LRP1B: variants seen among roughly 807,000 people sequenced by gnomAD.
LRP1B encodes the protein LDL receptor related protein 1B, also known as low-density lipoprotein receptor-related protein 1B.
Under a neutral mutation model 556.6 loss-of-function variants are expected in LRP1B, and 217 were observed. The observed-to-expected ratio is 0.39, with a 90% confidence interval of 0.35 to 0.44. The LOEUF (loss-of-function observed/expected upper bound fraction) is 0.44, where lower values mean the gene tolerates loss of function less well. Among genes scored for constraint, LRP1B ranks in the 20% least tolerant of loss-of-function variants. LRP1B has a pLI of 1.00. For missense variants in LRP1B, 5,053 were observed against 5,620.8 expected, an observed-to-expected ratio of 0.90 and a Z score of 3.23; for synonymous variants, 2,047 against 1,865.8, an observed-to-expected ratio of 1.10 and a Z score of -2.50.
intron 7 of LRP1B, among the ~76,000 whole-genome samples, chr2:141,127,209 G>A (rs1701237367): frequency 6.6e-6 from 1 of 152,166 alleles, no homozygotes; most frequent in Non-Finnish European, 1.5e-5. Flanking sequence ...ACACCAGTTA[G>A]AATGGTGATA....
intron 3 of LRP1B, among the ~76,000 whole-genome samples, chr2:141,326,246 C>A (rs1482875496): frequency 6.6e-6 from 1 of 151,784 alleles, no homozygotes; most frequent in Non-Finnish European, 1.5e-5. Context: ...TAACAAGATG[C>A]GATGTAAGTG....
intron 31 of LRP1B, among the ~76,000 whole-genome samples, chr2:140,828,039 GAGA>G: frequency 6.6e-6 from 1 of 151,946 alleles, no homozygotes; most frequent in Non-Finnish European, 1.5e-5. Flanking sequence ...AAACATGAAA[GAGA>G]AATACAGTCT....
chr2:140,239,290 TAAAA>T, intron 88 of LRP1B, 148 bp downstream of exon 88: 2 of 490,218 alleles, frequency 4.1e-6, no homozygotes, highest in Middle Eastern at 5.2e-4. Flanking sequence ...TATAATCACT[TAAAA>T]GAGAGGTATA....
chr2:140,684,121 TA>T (rs1194663793), intron 41 of LRP1B, among the ~76,000 whole-genome samples: 2 of 152,216 alleles, frequency 1.3e-5, no homozygotes, highest in Non-Finnish European at 2.9e-5. Flanking sequence ...ACGGAATCTA[TA>T]AAATAGGTTA....
chr2:141,894,306 G>A (rs1699371891), intron 1 of LRP1B, among the ~76,000 whole-genome samples: 1 of 151,804 alleles, frequency 6.6e-6, no homozygotes, highest in African/African-American at 2.4e-5. Context: ...TCTCAAAACT[G>A]CCTCTAAATC....
intron 2 of LRP1B, among the ~76,000 whole-genome samples, chr2:141,802,529 A>T (rs1696040895): frequency 6.6e-6 from 1 of 152,134 alleles, no homozygotes; most frequent in Non-Finnish European, 1.5e-5. Flanking sequence ...ATAGCAATTA[A>T]TAAACTGATG....
intron 18 of LRP1B, among the ~76,000 whole-genome samples, chr2:140,964,035 A>G (rs1696120358): frequency 6.6e-6 from 1 of 152,182 alleles, no homozygotes; most frequent in Admixed American, 6.5e-5. Context: ...TTTATTGGAT[A>G]CAAGGCAGAA....
intron 1 of LRP1B, among the ~76,000 whole-genome samples, chr2:142,057,770 T>C (rs1704733165): frequency 6.6e-6 from 1 of 152,162 alleles, no homozygotes; most frequent in East Asian, 1.9e-4. Flanking sequence ...GCCTTAAACC[T>C]TTTGCCTAAA....
chr2:140,304,904 A>T (rs1023438897), intron 83 of LRP1B, among the ~76,000 whole-genome samples: 1 of 152,124 alleles, frequency 6.6e-6, no homozygotes, highest in Non-Finnish European at 1.5e-5. Context: ...ACCATTTATT[A>T]AATAGGGAAT....
At chr2:140,516,744 T>C in intron 50 of LRP1B, 145 bp downstream of exon 50, 1 of 754,656 alleles carries the variant, frequency 1.3e-6, no homozygotes, top group Non-Finnish European at 2.1e-6. Flanking sequence ...ATTTTAATCT[T>C]TACCATTTTT....
At chr2:141,804,344 A>G (rs1432079330) in intron 2 of LRP1B, among the ~76,000 whole-genome samples, 1 of 152,112 alleles carries the variant, frequency 6.6e-6, no homozygotes, top group Non-Finnish European at 1.5e-5. Flanking sequence ...TCAGGACTTC[A>G]GTGTCAATTA....
chr2:140,319,740 G>A (rs1235055470), intron 82 of LRP1B, among the ~76,000 whole-genome samples: 1 of 152,074 alleles, frequency 6.6e-6, no homozygotes, highest in Non-Finnish European at 1.5e-5. Flanking sequence ...CAGCTTTTGA[G>A]AACGTGGTAC....
chr2:142,079,418 T>C (rs566598630), intron 1 of LRP1B, among the ~76,000 whole-genome samples: 2 of 152,340 alleles, frequency 1.3e-5, no homozygotes, highest in African/African-American at 4.8e-5. Flanking sequence ...AAATTTCAAC[T>C]AAGTGCTCAG....
Position 140,444,669 on chromosome 2 carries a change from T to C in LRP1B, c.10068A>G (p.Arg3356=). The change falls in exon 64 of 91, where the codon AGA becomes AGG. Residue 3356 remains arginine, a synonymous_variant. Transcript: ENST00000389484. ...SDEPDDCPEF[R]CQPGRFQCGT... is the part of the protein sequence containing the mutation. ...CACACTGAAATCGGCCTGGCTGACA[T>C]CTAAATTCAGCTAGGGGAGAAAGCA... is the stretch of plus-strand genomic sequence containing the variant. The C allele has an allele frequency of 6.2e-7, 1 of 1,610,124 alleles. No homozygotes were observed. The highest frequency in any genetic ancestry group is 8.5e-7 in the Non-Finnish European group (1 of 1,176,536).
At chr2:141,395,235 C>A (rs1309967333) in intron 3 of LRP1B, among the ~76,000 whole-genome samples, 1 of 151,992 alleles carries the variant, frequency 6.6e-6, no homozygotes, top group Admixed American at 6.6e-5. Context: ...AGTGATTTAC[C>A]CAGAGCAACT....
chr2:141,231,818 T>G (rs1417016980), intron 5 of LRP1B, among the ~76,000 whole-genome samples: 1 of 152,144 alleles, frequency 6.6e-6, no homozygotes, highest in African/African-American at 2.4e-5. Context: ...CATTAAATAT[T>G]TTTTATACAT....
intron 35 of LRP1B, among the ~76,000 whole-genome samples, chr2:140,756,696 A>T (rs1374139377): frequency 6.6e-6 from 1 of 152,164 alleles, no homozygotes; most frequent in Non-Finnish European, 1.5e-5. Flanking sequence ...ATCTAAATTT[A>T]AAAGTTAAAA....
Position 140,475,349 on chromosome 2 carries a change from A to T in LRP1B, c.9426-12T>A, listed in dbSNP as rs1277152584. On this transcript the variant is annotated splice_polypyrimidine_tract_variant and intron_variant, in intron 59 of 90. Transcript: ENST00000389484. The stretch of plus-strand genomic sequence containing the variant: ...TCCAATACAAATATCTAGGAAAGAA[A>T]ATCAATACTGATTTTGTTTACAGAT... 6.4e-7 allele frequency: 1 copy of T among 1,553,504 alleles called. No homozygotes were observed. Among genetic ancestry groups the T allele is most frequent in the South Asian group, 1.2e-5 (1 of 83,508 alleles).
rs78894723 is a variant in LRP1B, at chr2:141,680,128, C to T, written c.205+130151G>A. 6.9e-3 allele frequency among the ~76,000 whole-genome samples: 1,049 copies of T among 152,012 alleles called. 13 individuals carry two copies. The highest frequency in any genetic ancestry group is 0.024 in the African/African-American group (998 of 41,520). On this transcript the variant is annotated intron_variant, in intron 2 of 90. Transcript: ENST00000389484. The stretch of plus-strand genomic sequence containing the variant: ...ATATAGCTATGTGTTATATTATTCT[C>T]TTTGCTTTTCAATATATTAAAGATA...
Sources: allele counts gnomAD v4.1 joint callset (sites outside exome capture counted in the v4.1 genomes callset), GRCh38; gene constraint gnomAD v4.1.1; transcripts MANE v1.5; gene names NCBI Gene and HGNC (gene_info 2026-07-23, HGNC 2026-07-21).